The following PANK2 variants were observed in gnomAD, a reference collection of about 807,000 sequenced individuals.
PANK2 encodes the protein pantothenate kinase 2, also known as pantothenate kinase 2, mitochondrial.
In PANK2, 36 loss-of-function variants were observed where a neutral mutation model predicts 43.1. That is an observed-to-expected ratio of 0.84 (90% CI 0.64 to 1.10). The LOEUF (loss-of-function observed/expected upper bound fraction) is 1.10. PANK2 is among the 50% of genes least tolerant of loss of function. The probability of loss-of-function intolerance (pLI) is 0.00; values close to 1 mark genes in which losing one functional copy is unlikely to be tolerated. For missense variants in PANK2, 576 were observed against 593.3 expected, an observed-to-expected ratio of 0.97 and a Z score of 0.30; for synonymous variants, 281 against 238.2, an observed-to-expected ratio of 1.18 and a Z score of -1.66.
At chr20:3,915,444 C>T (rs758779141) in intron 4 of PANK2, among the ~76,000 whole-genome samples, 17 of 152,066 alleles carry the variant, frequency 1.1e-4, no homozygotes, top group Middle Eastern at 6.8e-3. Flanking sequence ...GACTACAGTG[C>T]GTGCCGCCAC....
At chr20:3,890,505 C>T (rs1279605935) in intron 1 of PANK2, among the ~76,000 whole-genome samples, 1 of 152,212 alleles carries the variant, frequency 6.6e-6, no homozygotes, top group Non-Finnish European at 1.5e-5. Context: ...GTCTTCAATT[C>T]AGGACCGCTG....
At chr20:3,909,791 A>G (rs1435154987) in intron 2 of PANK2, among the ~76,000 whole-genome samples, 3 of 150,300 alleles carry the variant, frequency 2.0e-5, no homozygotes, top group African/African-American at 7.4e-5. Context: ...ACTGGGTTTC[A>G]CCATGTTGGC....
chr20:3,911,633 T>G (rs1331296286), intron 3 of PANK2, among the ~76,000 whole-genome samples: 1 of 151,228 alleles, frequency 6.6e-6, no homozygotes, highest in Non-Finnish European at 1.5e-5. Context: ...AGCTTATGCC[T>G]GTAATCCCAG....
chr20:3,913,760 G>GCACA (rs766867978), intron 4 of PANK2, among the ~76,000 whole-genome samples: 9,888 of 128,888 alleles, frequency 0.077, 400 homozygotes, highest in South Asian at 0.15. Flanking sequence ...TTGTATGTAT[G>GCACA]CACACACACA....
At chr20:3,891,741 T>G (rs1053506440) in intron 1 of PANK2, among the ~76,000 whole-genome samples, 3 of 152,176 alleles carry the variant, frequency 2.0e-5, no homozygotes, top group African/African-American at 7.2e-5. Flanking sequence ...CTCCTCATAT[T>G]CAAATACAGG....
At chr20:3,901,733 T>G (rs2090305294) in intron 1 of PANK2, 1 of 396,494 alleles carries the variant, frequency 2.5e-6, no homozygotes, top group Non-Finnish European at 3.4e-6. Flanking sequence ...TTTAAAATTA[T>G]GGCATTCATC....
chr20:3,896,105 A>G (rs544250444), intron 1 of PANK2, among the ~76,000 whole-genome samples: 3 of 150,886 alleles, frequency 2.0e-5, no homozygotes, highest in Admixed American at 6.6e-5. Context: ...TCTGTCGCCC[A>G]GGCTGGAGTG....
At chr20:3,893,567 G>A (rs1216243883) in intron 1 of PANK2, among the ~76,000 whole-genome samples, 3 of 152,156 alleles carry the variant, frequency 2.0e-5, no homozygotes, top group East Asian at 3.8e-4. Flanking sequence ...CAGTAGTGTG[G>A]ACAACAAACT....
At chr20:3,908,380 A>G (rs2090420967) in intron 2 of PANK2, 102 bp downstream of exon 2, 9 of 1,147,960 alleles carry the variant, frequency 7.8e-6, no homozygotes, top group Admixed American at 2.1e-5. Flanking sequence ...TGGAACTTGA[A>G]TTTTCTTGAG....
At chr20:3,917,615 G>A (rs1237708068) in intron 5 of PANK2, 2 of 498,818 alleles carry the variant, frequency 4.0e-6, no homozygotes, top group Non-Finnish European at 8.5e-6. Flanking sequence ...GATCCAGTTG[G>A]TGCAGCTTAT....
intron 1 of PANK2, among the ~76,000 whole-genome samples, chr20:3,905,853 T>G (rs1396519919): frequency 1.4e-5 from 2 of 147,038 alleles, no homozygotes; most frequent in Middle Eastern, 3.7e-3. Flanking sequence ...GTAGCTATGA[T>G]TACAGGTGCC....
chr20:3,889,378 C>T (rs756629099), upstream of PANK2: 6 of 1,574,310 alleles, frequency 3.8e-6, no homozygotes, highest in East Asian at 2.3e-5. Flanking sequence ...CGGCCGAGGG[C>T]GCGCCTCTGC....
At chr20:3,922,837 T>C (rs977371773) in intron 6 of PANK2, among the ~76,000 whole-genome samples, 18 of 152,182 alleles carry the variant, frequency 1.2e-4, no homozygotes, top group Non-Finnish European at 2.2e-4. Flanking sequence ...CCTGTTTCAT[T>C]GCACTTTGCA....
chr20:3,914,079 G>A lies in PANK2; in HGVS notation c.1082+1445G>A, dbSNP rs551499064. On this transcript the variant is annotated intron_variant, in intron 4 of 6. Coordinates refer to ENST00000610179, the MANE Select transcript of PANK2 (RefSeq NM_001386393.1). Reference sequence around the variant, plus strand: ...GCTGGGATTACAGGCGTGAGCCACTGCGCCTGGCCTGCACATATATTTCTA... The same window carrying A: ...GCTGGGATTACAGGCGTGAGCCACTACGCCTGGCCTGCACATATATTTCTA... Among the ~76,000 whole-genome samples, 914 of 151,876 alleles carry A rather than the reference G, an allele frequency of 6.0e-3. 10 individuals are homozygous for A. The highest frequency in any genetic ancestry group is 0.021 in the Middle Eastern group (6 of 280).
chr20:3,889,287 C>T (rs1452787032), upstream of PANK2: 29 of 1,608,214 alleles, frequency 1.8e-5, no homozygotes, highest in Non-Finnish European at 2.4e-5. Flanking sequence ...AGTTAGGGAG[C>T]CGACTGGACG....
rs539726153 is a variant in PANK2, at chr20:3,925,628, C to T, written c.*2334C>T. ...CATCTCAGTTCTCACTCAGCAGAGCCCTCTTGCCTGTCCTGCCACCCAGGC... is the reference window on the plus strand; with the variant it reads ...CATCTCAGTTCTCACTCAGCAGAGCTCTCTTGCCTGTCCTGCCACCCAGGC... On this transcript the variant is annotated 3_prime_UTR_variant, in exon 7 of 7. Coordinates refer to ENST00000610179, the MANE Select transcript of PANK2 (RefSeq NM_001386393.1). 1 of 152,350 alleles carries T rather than the reference C, an allele frequency of 6.6e-6. No individual in the cohort carries two copies. Among genetic ancestry groups the T allele is most frequent in the African/African-American group, 2.4e-5 (1 of 41,556 alleles). The allele number at this position is 152,350 out of a possible 1,614,324, so 9.4% of individuals were successfully genotyped here. A position where few individuals can be genotyped will look rare whatever the true frequency, so the allele number is the denominator to read the frequency against.
chr20:3,889,151 ATCACTCTCTTCTGGGCTACACCGCCT>A (rs754159954), upstream of PANK2: 4 of 1,588,112 alleles, frequency 2.5e-6, no homozygotes, highest in South Asian at 4.6e-5. Flanking sequence ...CGGCGCCGCC[ATCACTCTCTTCTGGGCTACACCGCCT>A]TCTCTTCCTC....
chr20:3,895,273 CAAATA>C (rs2090186787), intron 1 of PANK2, among the ~76,000 whole-genome samples: 1 of 151,598 alleles, frequency 6.6e-6, no homozygotes, highest in Non-Finnish European at 1.5e-5. Context: ...GACTCCATCT[CAAATA>C]AAATAAATAA....
upstream of PANK2, chr20:3,888,962 AGC>A: frequency 5.0e-6 from 3 of 596,166 alleles, no homozygotes; most frequent in South Asian, 2.8e-5. Flanking sequence ...ACGCTGCGGG[AGC>A]ACTGCTGGGC....
Sources: allele counts gnomAD v4.1 joint callset (sites outside exome capture counted in the v4.1 genomes callset), GRCh38; gene constraint gnomAD v4.1.1; transcripts MANE v1.5; gene names NCBI Gene and HGNC (gene_info 2026-07-23, HGNC 2026-07-21).